CAMTA1: variants seen among roughly 807,000 people sequenced by gnomAD.
CAMTA1 encodes calmodulin binding transcription activator 1, also known as calmodulin-binding transcription activator 1.
In CAMTA1, 27 loss-of-function variants were observed where a neutral mutation model predicts 170.9. The observed-to-expected ratio is 0.16, with a 90% CI of 0.12 to 0.22. The LOEUF (loss-of-function observed/expected upper bound fraction) is 0.22, where lower values mean the gene tolerates loss of function less well. Ranked by LOEUF, CAMTA1 falls within the 10% of genes least tolerant of loss-of-function variation. The pLI is 1.00. For synonymous variants in CAMTA1, 833 were observed against 891.5 expected, an observed-to-expected ratio of 0.93 and a Z score of 1.17; for missense variants, 1,619 against 2,217.2, an observed-to-expected ratio of 0.73 and a Z score of 5.42.
intron 5 of CAMTA1, among the ~76,000 whole-genome samples, chr1:7,442,401 G>A (rs1202923404): frequency 1.3e-5 from 2 of 152,126 alleles, no homozygotes; most frequent in Non-Finnish European, 2.9e-5. Flanking sequence ...AAATTATTCG[G>A]AGATTGAAGT....
chr1:7,216,639 T>C lies in CAMTA1; in HGVS notation c.303-32852T>C, dbSNP rs1442719545. Among the ~76,000 whole-genome samples the C allele has an allele frequency of 1.3e-5, 2 of 152,150 alleles. No individual in the cohort carries two copies. The highest frequency in any genetic ancestry group is 4.8e-5 in the African/African-American group (2 of 41,440). On this transcript the variant is annotated intron_variant, in intron 4 of 22. Coordinates refer to ENST00000303635, the MANE Select transcript of CAMTA1 (RefSeq NM_015215.4). The surrounding 1 kb of genome is among the most constrained non-coding windows in gnomAD (Gnocchi z 4.0). ...AATCCTTGTGCCTCAGCCTCCCGAA[T>C]GGCTGAGACTACAGGCAGGTACCAC...
At chr1:7,127,525 C>T (rs1424413895) in intron 4 of CAMTA1, among the ~76,000 whole-genome samples, 1 of 152,050 alleles carries the variant, frequency 6.6e-6, no homozygotes, top group Non-Finnish European at 1.5e-5. Flanking sequence ...GTGGAACTGC[C>T]ACCTGCTGGT....
chr1:6,908,397 C>T (rs897601282), intron 3 of CAMTA1, among the ~76,000 whole-genome samples: 4 of 152,172 alleles, frequency 2.6e-5, no homozygotes, highest in Non-Finnish European at 5.9e-5. Flanking sequence ...GAAATGCTGC[C>T]CGCTGCTCGC....
intron 6 of CAMTA1, among the ~76,000 whole-genome samples, chr1:7,544,167 A>G (rs1191871798): frequency 1.3e-5 from 2 of 152,210 alleles, no homozygotes; most frequent in Non-Finnish European, 2.9e-5. Context: ...AGGCCTCAGA[A>G]TCATGGTGGG....
chr1:7,237,381 AG>A (rs1356103753), intron 4 of CAMTA1, among the ~76,000 whole-genome samples: 13 of 152,314 alleles, frequency 8.5e-5, no homozygotes, highest in African/African-American at 2.9e-4. Flanking sequence ...TCACTGGAAT[AG>A]CAGGCTGGGT....
At chr1:7,581,776 G>A (rs1441307489) in intron 6 of CAMTA1, among the ~76,000 whole-genome samples, 1 of 152,254 alleles carries the variant, frequency 6.6e-6, no homozygotes, top group Non-Finnish European at 1.5e-5. Context: ...TGGAATGGAA[G>A]GAGCACTGTT....
intron 6 of CAMTA1, among the ~76,000 whole-genome samples, chr1:7,620,484 G>T (rs575466665): frequency 6.6e-6 from 1 of 152,298 alleles, no homozygotes; most frequent in South Asian, 2.1e-4. Context: ...CACAGAACTG[G>T]TCTTCACCCC....
At chr1:6,834,217 G>A (rs538808200) in intron 3 of CAMTA1, 13 of 143,878 alleles carry the variant, frequency 9.0e-5, no homozygotes, top group Admixed American at 7.5e-4. Context: ...CAATTCAGTA[G>A]TTGTTTATTT....
At chr1:7,492,640 CAT>C (rs1344979818) in intron 6 of CAMTA1, among the ~76,000 whole-genome samples, 4 of 143,450 alleles carry the variant, frequency 2.8e-5, no homozygotes, top group African/African-American at 8.1e-5. Flanking sequence ...CACACAAACA[CAT>C]ACAATCACAC....
intron 3 of CAMTA1, among the ~76,000 whole-genome samples, chr1:6,900,557 A>T (rs943350092): frequency 6.6e-6 from 1 of 151,998 alleles, no homozygotes; most frequent in Non-Finnish European, 1.5e-5. Flanking sequence ...AATCTATATA[A>T]AAAAAAACCC....
chr1:6,916,131 T>C (rs1284405797), intron 3 of CAMTA1, among the ~76,000 whole-genome samples: 1 of 152,136 alleles, frequency 6.6e-6, no homozygotes, highest in Non-Finnish European at 1.5e-5. Flanking sequence ...GGGCATGTGA[T>C]GTCTTTGTGT....
rs2095686941 is a variant in CAMTA1 at position 7,633,565 on chromosome 1, C to T, written c.511-6835C>T. Among the ~76,000 whole-genome samples the T allele has an allele frequency of 6.6e-6, 1 of 152,188 alleles. No individual in the cohort carries two copies. The highest frequency in any genetic ancestry group is 2.4e-5 in the African/African-American group (1 of 41,450). ...GTTCTCCAGGATTGGTCCTGAGACA[C>T]TGAGTCTCCGGAGAGGAGACAGCCA... On this transcript the variant is annotated intron_variant, in intron 6 of 22. Transcript: ENST00000303635. This position sits in a 1 kb window ranked among gnomAD's most constrained non-coding sequence, Gnocchi z 4.1.
In CAMTA1 at chr1:7,043,605, C is replaced by T. The variant is rs138393985; in HGVS notation, c.235-47699C>T. Reference sequence around the variant, plus strand: ...GGCTTCGACTCTTTCTCAGACCCACCCTTCCTGTCCTCTTTGGTTGGTCAT... The same window carrying T: ...GGCTTCGACTCTTTCTCAGACCCACTCTTCCTGTCCTCTTTGGTTGGTCAT... On this transcript the variant is annotated intron_variant, in intron 3 of 22. Coordinates refer to ENST00000303635, the MANE Select transcript of CAMTA1 (RefSeq NM_015215.4). 1.1e-3 allele frequency among the ~76,000 whole-genome samples: 173 copies of T among 152,282 alleles called. 1 individual carries two copies. Among genetic ancestry groups the T allele is most frequent in the African/African-American group, 4.0e-3 (166 of 41,550 alleles).
At chr1:7,279,736 A>G (rs1424177877) in intron 5 of CAMTA1, among the ~76,000 whole-genome samples, 1 of 152,150 alleles carries the variant, frequency 6.6e-6, no homozygotes, top group Non-Finnish European at 1.5e-5. Flanking sequence ...GGACGTTTTC[A>G]GCCTGAATGC....
chr1:7,610,360 T>G (rs72630514), intron 6 of CAMTA1, among the ~76,000 whole-genome samples: 20,419 of 152,106 alleles, frequency 0.13, 1,463 homozygotes, highest in African/African-American at 0.15. Flanking sequence ...TCCTGCACAT[T>G]GTGCTTGGCA....
chr1:7,768,532 G>A lies in CAMTA1; in HGVS notation c.*2041G>A, dbSNP rs2150355547. 6.5e-6 allele frequency: 1 copy of A among 152,862 alleles called. No homozygotes were observed. Among genetic ancestry groups the A allele is most frequent in the South Asian group, 2.1e-4 (1 of 4,820 alleles). The allele number at this position is 152,862 out of a possible 1,614,324, so 9.5% of individuals were successfully genotyped here. On this transcript the variant is annotated 3_prime_UTR_variant, in exon 23 of 23. Transcript: ENST00000303635. ...TTAAACTGGTGTCTTTGGAAGGAAG[G>A]TAGATACAAAAAGATTGTGGTAAAA...
intron 5 of CAMTA1, chr1:7,382,542 G>A (rs1027425323): frequency 6.6e-6 from 1 of 152,218 alleles, no homozygotes; most frequent in Non-Finnish European, 1.5e-5. Context: ...GAATTGGCAA[G>A]CCAATTAATT....
At chr1:7,581,106 C>T (rs1079105) in intron 6 of CAMTA1, among the ~76,000 whole-genome samples, 18,660 of 152,240 alleles carry the variant, frequency 0.12, 1,247 homozygotes, top group African/African-American at 0.16. Context: ...GCCCCCGCCC[C>T]TCCTCCCACA....
At chr1:7,107,691 G>GCTGT (rs1643749955) in intron 4 of CAMTA1, among the ~76,000 whole-genome samples, 1 of 152,158 alleles carries the variant, frequency 6.6e-6, no homozygotes, top group Non-Finnish European at 1.5e-5. Context: ...GCCAGGCAGA[G>GCTGT]CTGTCTCTCC....
Sources: allele counts gnomAD v4.1 joint callset (sites outside exome capture counted in the v4.1 genomes callset), GRCh38; gene constraint gnomAD v4.1.1; non-coding constraint Gnocchi (gnomAD v3.1); transcripts MANE v1.5; gene names NCBI Gene and HGNC (gene_info 2026-07-23, HGNC 2026-07-21).